Variants in EVI5 observed in about 807,000 individuals in gnomAD.
EVI5 encodes the protein ecotropic viral integration site 5.
A neutral mutation model predicts 112.0 loss-of-function variants in EVI5; 73 were observed. The ratio of observed to expected loss-of-function variants is 0.65; its 90% confidence interval spans 0.54 to 0.79. The LOEUF is 0.79. EVI5 is among the 30% of genes least tolerant of loss of function. The pLI is 0.00. For synonymous variants in EVI5, 305 were observed against 319.9 expected (o/e 0.95, Z 0.50); for missense variants, 900 against 968.8 (o/e 0.93, Z 0.94).
At chr1:92,524,844 T>C (rs1661580867) in intron 19 of EVI5, among the ~76,000 whole-genome samples, 1 of 151,880 alleles carries the variant, frequency 6.6e-6, no homozygotes, top group South Asian at 2.1e-4. Flanking sequence ...TTTTTTTTTT[T>C]TTAGACAAAG....
intron 19 of EVI5, among the ~76,000 whole-genome samples, chr1:92,551,040 C>CTTTTTTTTTTTTTTTTT (rs55898086): frequency 3.2e-4 from 26 of 80,700 alleles, no homozygotes; most frequent in East Asian, 9.2e-4. Context: ...TTCTTTCTTT[C>CTTTTTTTTTTTTTTTTT]TTTTTTTTTT....
chr1:92,607,139 C>T (rs1650597346), intron 17 of EVI5, among the ~76,000 whole-genome samples: 1 of 152,068 alleles, frequency 6.6e-6, no homozygotes, highest in East Asian at 1.9e-4. Flanking sequence ...CTGGTACATA[C>T]ACATTTCTTT....
At chr1:92,609,946 A>G (rs1308517372) in intron 16 of EVI5, among the ~76,000 whole-genome samples, 2 of 151,674 alleles carry the variant, frequency 1.3e-5, no homozygotes, top group Non-Finnish European at 2.9e-5. Context: ...GTGCAGAGGC[A>G]CAATCATAGC....
At chr1:92,787,303 T>C (rs1446918352), upstream of EVI5, among the ~76,000 whole-genome samples, 1 of 152,202 alleles carries the variant, frequency 6.6e-6, no homozygotes, top group Non-Finnish European at 1.5e-5. Context: ...TTTTATATCA[T>C]TTTAGCTGGG....
At chr1:92,630,386 T>C (rs1656741939) in intron 14 of EVI5, among the ~76,000 whole-genome samples, 2 of 152,210 alleles carry the variant, frequency 1.3e-5, no homozygotes, top group African/African-American at 4.8e-5. Context: ...GGTATCTCAT[T>C]GTGGTTTTGA....
intron 1 of EVI5, among the ~76,000 whole-genome samples, chr1:92,762,284 A>C (rs995473593): frequency 6.6e-6 from 1 of 152,246 alleles, no homozygotes; most frequent in Non-Finnish European, 1.5e-5. Context: ...CAAAACATGT[A>C]CACAATGACA....
chr1:92,708,530 G>A (rs1388045408), intron 2 of EVI5, among the ~76,000 whole-genome samples: 1 of 152,118 alleles, frequency 6.6e-6, no homozygotes, highest in Non-Finnish European at 1.5e-5. Flanking sequence ...TTGTGGGAAT[G>A]TAAAATGGTA....
intron 18 of EVI5, among the ~76,000 whole-genome samples, chr1:92,570,941 T>C (rs1408036299): frequency 6.6e-6 from 1 of 152,124 alleles, no homozygotes; most frequent in Non-Finnish European, 1.5e-5. Context: ...AACTTTATGA[T>C]AAAACAGATG....
In EVI5 at chr1:92,652,711, G is replaced by A. The variant is rs932535735; in HGVS notation, c.1392+10008C>T. ...CACAATCAAATACTATTCTTGGGGA[G>A]AGGGTTCGAGATGAATGACTAGAGG... On this transcript the variant is annotated intron_variant, in intron 13 of 19. Coordinates refer to ENST00000684568, the MANE Select transcript of EVI5 (RefSeq NM_001350197.2). Among the ~76,000 whole-genome samples the A allele has an allele frequency of 3.9e-5, 6 of 152,242 alleles. 1 individual carries two copies. Among genetic ancestry groups the A allele is most frequent in the African/African-American group, 1.4e-4 (6 of 41,470 alleles).
rs1160183312 is a variant in EVI5 at position 92,608,890 on chromosome 1, A to G, written c.1828-1163T>C. The stretch of plus-strand genomic sequence containing the variant: ...TTGGTCATTAAGCAAACAAGCTAGT[A>G]TCTCTGAGTCTCTATTTCCTTATTT... On this transcript the variant is annotated intron_variant, in intron 16 of 19. Coordinates refer to ENST00000684568, the MANE Select transcript of EVI5 (RefSeq NM_001350197.2). Among the ~76,000 whole-genome samples, 3 of 152,228 alleles carry G rather than the reference A, an allele frequency of 2.0e-5. No homozygotes were observed. In the East Asian group the frequency reaches 5.8e-4, roughly 29 times the overall value.
chr1:92,588,358 C>T (rs1329422761), intron 18 of EVI5, among the ~76,000 whole-genome samples: 1 of 152,206 alleles, frequency 6.6e-6, no homozygotes, highest in African/African-American at 2.4e-5. Context: ...TCTCACTCCA[C>T]CCAGACTCTA....
At chr1:92,562,004 T>A (rs1354799048) in intron 19 of EVI5, among the ~76,000 whole-genome samples, 2 of 152,192 alleles carry the variant, frequency 1.3e-5, no homozygotes, top group African/African-American at 4.8e-5. Context: ...ACTTTTACAT[T>A]AGTTTTAGAA....
At chr1:92,744,758 T>C (rs1001766408) in intron 1 of EVI5, among the ~76,000 whole-genome samples, 1 of 152,114 alleles carries the variant, frequency 6.6e-6, no homozygotes, top group Non-Finnish European at 1.5e-5. Context: ...AAAAGGATGT[T>C]TGCATTTTGA....
At chr1:92,745,470 ACT>A (rs577013701) in intron 1 of EVI5, among the ~76,000 whole-genome samples, 2 of 152,192 alleles carry the variant, frequency 1.3e-5, no homozygotes, top group Non-Finnish European at 2.9e-5. Flanking sequence ...TTATGCTTAC[ACT>A]GTTATATTAT....
chr1:92,589,638 C>T (rs1673431990), intron 18 of EVI5, among the ~76,000 whole-genome samples: 1 of 152,144 alleles, frequency 6.6e-6, no homozygotes, highest in South Asian at 2.1e-4. Flanking sequence ...TGGGTGGAGC[C>T]CACTGCAGCT....
At chr1:92,547,713 C>A (rs1262770920) in intron 19 of EVI5, among the ~76,000 whole-genome samples, 24 of 152,284 alleles carry the variant, frequency 1.6e-4, no homozygotes, top group Non-Finnish European at 2.5e-4. Flanking sequence ...GGAATACTAT[C>A]AACACCTCTA....
At chr1:92,739,603 T>A (rs1032304917) in intron 1 of EVI5, among the ~76,000 whole-genome samples, 8 of 152,260 alleles carry the variant, frequency 5.3e-5, no homozygotes, top group Non-Finnish European at 1.0e-4. Context: ...ATAAATTATA[T>A]CTCAATTTTT....
In EVI5 at chr1:92,515,217, C is replaced by A. The variant is rs368344218; in HGVS notation, c.2167-1247G>T. ...GGAGGCTTAAGGAGGTCAAAAGCTA[C>A]CTGTTACTGGGTGGGCAAGTCTGAC... is the stretch of plus-strand genomic sequence containing the variant. On this transcript the variant is annotated intron_variant, in intron 19 of 19. Transcript: ENST00000684568. 8.8e-4 allele frequency among the ~76,000 whole-genome samples: 134 copies of A among 152,314 alleles called. 1 individual carries two copies. Among genetic ancestry groups the A allele is most frequent in the South Asian group, 4.1e-3 (20 of 4,828 alleles).
chr1:92,666,909 G>C (rs532342701), intron 10 of EVI5, among the ~76,000 whole-genome samples: 1 of 152,144 alleles, frequency 6.6e-6, no homozygotes, highest in African/African-American at 2.4e-5. Flanking sequence ...ACCTCCAACA[G>C]AGCCTACCTA....
Sources: allele counts gnomAD v4.1 joint callset (sites outside exome capture counted in the v4.1 genomes callset), GRCh38; gene constraint gnomAD v4.1.1; transcripts MANE v1.5; gene names NCBI Gene and HGNC (gene_info 2026-07-23, HGNC 2026-07-21).